The following FCGR3B variants were observed in gnomAD, a reference collection of about 807,000 sequenced individuals.
FCGR3B encodes low affinity immunoglobulin gamma Fc region receptor III-B.
FCGR3B carries 20 observed loss-of-function variants against 26.7 expected under a neutral mutation model. That is an observed-to-expected ratio of 0.75 (90% CI 0.53 to 1.09). FCGR3B has a LOEUF of 1.09. Among genes scored for constraint, FCGR3B ranks in the 50% least tolerant of loss-of-function variants. The pLI, the probability that FCGR3B is intolerant of heterozygous loss-of-function variation, is 0.00. For synonymous variants in FCGR3B, 79 were observed against 107.0 expected (o/e 0.74, Z 1.62); for missense variants, 191 against 279.7 (o/e 0.68, Z 2.26).
At chr1:161,625,097 T>C (rs1312594907) in intron 4 of FCGR3B, among the ~76,000 whole-genome samples, 1 of 143,162 alleles carries the variant, frequency 7.0e-6, no homozygotes, top group Non-Finnish European at 1.5e-5. Context: ...CACTCATTGT[T>C]TACATGTTAC....
At position 161,629,877 on chromosome 1, in the gene FCGR3B, A is replaced by G. The variant is rs1314580554; in HGVS notation, c.220T>C (p.Tyr74His). The change falls in exon 3 of 5, where the codon TAC (tyrosine) becomes CAC (histidine). Residue 74 changes from tyrosine to histidine, a missense_variant. Coordinates refer to ENST00000650385, the MANE Select transcript of FCGR3B (RefSeq NM_001244753.2). ...ENLISSQASSYFIDAATVNDS... is the reference protein window; with the variant it reads ...ENLISSQASSHFIDAATVNDS... Reference sequence around the variant, plus strand: ...TTGACTGTGGCAGCGTCAATGAAGTAGCTCGAGGCCTGGCTTGAGATGAGG... The same window carrying G: ...TTGACTGTGGCAGCGTCAATGAAGTGGCTCGAGGCCTGGCTTGAGATGAGG... 6.7e-7 allele frequency: 1 copy of G among 1,497,104 alleles called. No individual in the cohort carries two copies. Among genetic ancestry groups the G allele is most frequent in the South Asian group, 1.2e-5 (1 of 83,582 alleles). The allele number at this position is 1,497,104 out of a possible 1,614,324, so 92.7% of individuals were successfully genotyped here. A position where few individuals can be genotyped will look rare whatever the true frequency, so the allele number is the denominator to read the frequency against.
chr1:161,625,064 C>T (rs1209915856), intron 4 of FCGR3B, among the ~76,000 whole-genome samples: 1 of 144,796 alleles, frequency 6.9e-6, no homozygotes, highest in African/African-American at 2.5e-5. Flanking sequence ...ATAAAGAAAT[C>T]TCGTATATCC....
chr1:161,631,180 C>T (rs1354295348), upstream of FCGR3B: 1 of 1,605,228 alleles, frequency 6.2e-7, no homozygotes. Context: ...AGTAAACAGC[C>T]TTTCCCCAGT....
At position 161,626,798 on chromosome 1, in the gene FCGR3B, C is replaced by T. The variant is rs145913926; in HGVS notation, c.320-396G>A. On this transcript the variant is annotated intron_variant, in intron 3 of 4. Transcript: ENST00000650385. ...AATTGCATTTGAAAATGATGAGTTG[C>T]TCTATTAGAGGAAAAGGTAGATTTC... is the stretch of plus-strand genomic sequence containing the variant. 5.0e-3 allele frequency among the ~76,000 whole-genome samples: 759 copies of T among 150,336 alleles called. 71 individuals carry two copies. The highest frequency in any genetic ancestry group is 0.018 in the African/African-American group (726 of 40,476).
chr1:161,631,375 A>T, upstream of FCGR3B: 5 of 668,242 alleles, frequency 7.5e-6, 1 homozygote, highest in South Asian at 1.0e-4. Flanking sequence ...ATCTGAGGAC[A>T]CACACAGAAT....
At chr1:161,627,474 T>A (rs74127074) in intron 3 of FCGR3B, among the ~76,000 whole-genome samples, 41,122 of 149,664 alleles carry the variant, frequency 0.27, 6,824 homozygotes, top group East Asian at 0.4. Context: ...ATTTTAAAAA[T>A]CTACTACCTG....
At chr1:161,627,174 T>A (rs919531536) in intron 3 of FCGR3B, among the ~76,000 whole-genome samples, 6 of 150,042 alleles carry the variant, frequency 4.0e-5, no homozygotes, top group African/African-American at 7.4e-5. Context: ...AAAATAATGA[T>A]GTTATAGGTA....
rs990133852 is a variant in FCGR3B, at chr1:161,626,548, G to A, written c.320-146C>T. On this transcript the variant is annotated intron_variant, in intron 3 of 4. Coordinates refer to ENST00000650385, the MANE Select transcript of FCGR3B (RefSeq NM_001244753.2). ...CCTGCATAGCTCCCTTTGGGGAAGA[G>A]CTGATGGGGCCCTGCAAGAGAACTG... 4 of 748,934 alleles carry A rather than the reference G, an allele frequency of 5.3e-6. No individual in the cohort carries two copies. The Admixed American group carries it at 9.0e-5, about 17-fold the overall frequency. The allele number at this position is 748,934 out of a possible 1,614,324, so 46.4% of individuals were successfully genotyped here. A position where few individuals can be genotyped will look rare whatever the true frequency, so the allele number is the denominator to read the frequency against.
chr1:161,631,582 C>T (rs529892399), upstream of FCGR3B: 1,000 of 357,578 alleles, frequency 2.8e-3, 1 homozygote, highest in Non-Finnish European at 4.2e-3. Flanking sequence ...TATCTCCAGC[C>T]GAGGCCCTGC....
At chr1:161,627,425 T>A (rs1417159737) in intron 3 of FCGR3B, among the ~76,000 whole-genome samples, 2 of 150,390 alleles carry the variant, frequency 1.3e-5, no homozygotes, top group Non-Finnish European at 3.0e-5. Flanking sequence ...TACTGTAATT[T>A]TATTTTTTAA....
chr1:161,631,325 G>C, upstream of FCGR3B: 1 of 1,041,486 alleles, frequency 9.6e-7, no homozygotes, highest in South Asian at 1.7e-5. Context: ...AAGGTGGGTG[G>C]GTGTGCCCCC....
At position 161,630,504 on chromosome 1, in the gene FCGR3B, C is replaced by T. The variant is rs1393276215; in HGVS notation, c.41-116G>A. On this transcript the variant is annotated intron_variant, in intron 1 of 4. Coordinates refer to ENST00000650385, the MANE Select transcript of FCGR3B (RefSeq NM_001244753.2). ...CTCTGCCCCAGGAGCCCAATTTTCC[C>T]AAGAATCAGGATGTTTCTGGTGGAA... The T allele has an allele frequency of 2.8e-5, 24 of 871,058 alleles. No individual in the cohort carries two copies. The Admixed American group carries it at 5.0e-4, about 18-fold the overall frequency. 54.0% of individuals were successfully genotyped at this position (871,058 alleles called of 1,614,324 possible).
intron 3 of FCGR3B, among the ~76,000 whole-genome samples, chr1:161,628,797 A>G (rs1211574335): frequency 4.1e-5 from 6 of 145,648 alleles, no homozygotes; most frequent in African/African-American, 1.6e-4. Context: ...CACTGCAGGG[A>G]CCAGGCTATG....
rs147643493 is a variant in FCGR3B at position 161,628,347 on chromosome 1, G to C, written c.319+1431C>G. ...CTCAGAGGAGGACATAAGTGAAATG[G>C]GTCCTAAAGGAATAAAGGATGCTCA... On this transcript the variant is annotated intron_variant, in intron 3 of 4. Transcript: ENST00000650385. 2.1e-4 allele frequency among the ~76,000 whole-genome samples: 32 copies of C among 149,950 alleles called. 3 individuals are homozygous for C. Among genetic ancestry groups the C allele is most frequent in the African/African-American group, 6.9e-4 (28 of 40,338 alleles).
upstream of FCGR3B, chr1:161,631,229 T>C: frequency 1.3e-6 from 2 of 1,570,340 alleles, no homozygotes; most frequent in Non-Finnish European, 1.7e-6. Context: ...TTTCCTTTTC[T>C]TGAAACTTCA....
chr1:161,631,583 G>A, upstream of FCGR3B: 1 of 358,304 alleles, frequency 2.8e-6, no homozygotes, highest in Admixed American at 4.6e-5. Context: ...ATCTCCAGCC[G>A]AGGCCCTGCC....
intron 2 of FCGR3B, 54 bp downstream of exon 2, chr1:161,630,314 A>G (rs566300631): frequency 4.7e-6 from 7 of 1,501,936 alleles, no homozygotes; most frequent in South Asian, 1.2e-5. Context: ...TCTTATGGCC[A>G]TTGTCCCCAT....
Position 161,629,864 on chromosome 1 carries a change from G to T in FCGR3B, c.233C>A (p.Ala78Asp), listed in dbSNP as rs5030738. The change falls in exon 3 of 5, where the codon GCT (alanine) becomes GAT (aspartate). Residue 78 changes from alanine (A) to aspartate (D), a missense_variant. Ala to Asp is a moderately radical substitution (Grantham distance 126). This residue lies in a region of FCGR3B where 88 missense variants were observed against 165.2 expected (regional missense o/e 0.53). Transcript: ENST00000650385. ...SSQASSYFID[A>D]ATVNDSGEYR... ...CTCTCCACTGTCGTTGACTGTGGCAGCGTCAATGAAGTAGCTCGAGGCCTG... is the reference window on the plus strand; with the variant it reads ...CTCTCCACTGTCGTTGACTGTGGCATCGTCAATGAAGTAGCTCGAGGCCTG... 0.031 allele frequency: 45,358 copies of T among 1,486,942 alleles called. 4,465 individuals are homozygous for T. The highest frequency in any genetic ancestry group is 0.22 in the African/African-American group (10,211 of 47,432). The allele number at this position is 1,486,942 out of a possible 1,614,324, so 92.1% of individuals were successfully genotyped here.
Position 161,626,303 on chromosome 1 carries a change from G to T in FCGR3B, c.419C>A (p.Thr140Lys). ...SWKNTALHKV[T>K]YLQNGKDRKY... ...CCTGTCTTTGCCATTCTGTAAATAT[G>T]TGACCTTATGCAGAGCAGTGTTCTT... The change falls in exon 4 of 5, where the codon ACA (threonine) becomes AAA (lysine). Residue 140 changes from threonine to lysine, a missense_variant. By Grantham distance (78) the Thr-to-Lys change is moderately conservative. This residue lies in a region of FCGR3B where 103 missense variants were observed against 114.5 expected (regional missense o/e 0.90). Transcript: ENST00000650385. The T allele has an allele frequency of 1.2e-6, 2 of 1,608,940 alleles. No individual in the cohort carries two copies. Among genetic ancestry groups the T allele is most frequent in the Non-Finnish European group, 1.7e-6 (2 of 1,177,798 alleles).
Sources: gnomAD v4.1 joint callset for allele counts (sites outside exome capture counted in the v4.1 genomes callset) on GRCh38, gnomAD v4.1.1 for gene constraint, gnomAD v4.1.1 regional missense constraint, MANE v1.5 for transcripts, NCBI Gene and HGNC (gene_info 2026-07-23, HGNC 2026-07-21) for gene names.